Variants in COL15A1 observed in about 807,000 individuals in gnomAD.
COL15A1 encodes the protein collagen type XV alpha 1 chain, also known as collagen alpha-1(XV) chain.
COL15A1 carries 111 observed loss-of-function variants against 165.9 expected under a neutral mutation model. The observed-to-expected ratio is 0.67, with a 90% CI of 0.57 to 0.78. The LOEUF is 0.78. Among genes scored for constraint, COL15A1 ranks in the 30% least tolerant of loss-of-function variants. The pLI is 0.00. For missense variants in COL15A1, 1,745 were observed against 1,789.7 expected, an observed-to-expected ratio of 0.98 and a Z score of 0.45; for synonymous variants, 659 against 674.8, an observed-to-expected ratio of 0.98 and a Z score of 0.36.
chr9:98,971,721 A>C (rs1282524647), intron 2 of COL15A1, among the ~76,000 whole-genome samples: 1 of 152,238 alleles, frequency 6.6e-6, no homozygotes, highest in Non-Finnish European at 1.5e-5. Flanking sequence ...AACTGCTGCC[A>C]GGACTGAGGG....
chr9:98,972,868 A>C (rs1408861047), intron 2 of COL15A1, among the ~76,000 whole-genome samples: 1 of 152,210 alleles, frequency 6.6e-6, no homozygotes, highest in Non-Finnish European at 1.5e-5. Context: ...GAGAGCCACA[A>C]GGAAAGCTTG....
intron 2 of COL15A1, among the ~76,000 whole-genome samples, chr9:98,952,240 T>C (rs375914002): frequency 4.9e-4 from 75 of 152,282 alleles, no homozygotes; most frequent in African/African-American, 1.8e-3. Context: ...TTCCAATTCT[T>C]CCATGGCTTT....
At chr9:99,066,631 A>G (rs1588542243) in intron 39 of COL15A1, among the ~76,000 whole-genome samples, 2 of 101,730 alleles carry the variant, frequency 2.0e-5, no homozygotes, top group Admixed American at 1.0e-4. Context: ...TTTTCACCTA[A>G]GGAAGACATT....
Position 99,047,832 on chromosome 9 carries a change from G to A in COL15A1, c.2726G>A (p.Gly909Glu). ...PGHKGEFGLPGRPGRPGLNGL... is the reference protein window; with the variant it reads ...PGHKGEFGLPERPGRPGLNGL... ...CATAAAGGAGAATTTGGCCTTCCCG[G>A]GCGACCTGTAGGTATCAGTGTTCAT... The change falls in exon 27 of 42, where the codon GGG becomes GAG. Residue 909 changes from glycine to glutamate, a missense_variant. Physicochemically the swap from Gly to Glu is moderately conservative, Grantham distance 98. Coordinates refer to ENST00000375001, the MANE Select transcript of COL15A1 (RefSeq NM_001855.5). 1 of 1,613,980 alleles carries A rather than the reference G, an allele frequency of 6.2e-7. No homozygotes were observed. Among genetic ancestry groups the A allele is most frequent in the Non-Finnish European group, 8.5e-7 (1 of 1,179,954 alleles).
intron 16 of COL15A1, 82 bp downstream of exon 16, chr9:99,026,048 C>T: frequency 1.5e-6 from 2 of 1,341,090 alleles, no homozygotes; most frequent in Non-Finnish European, 2.0e-6. Flanking sequence ...CCTGACCTTG[C>T]CTCTTATGTG....
intron 5 of COL15A1, among the ~76,000 whole-genome samples, chr9:98,996,457 A>G (rs1406558803): frequency 6.6e-6 from 1 of 152,206 alleles, no homozygotes; most frequent in Non-Finnish European, 1.5e-5. Context: ...GGCTTTGGAA[A>G]AGCTATATAG....
At chr9:98,962,773 G>T (rs991567613) in intron 2 of COL15A1, among the ~76,000 whole-genome samples, 1 of 152,316 alleles carries the variant, frequency 6.6e-6, no homozygotes, top group Middle Eastern at 3.4e-3. Context: ...CCTAACACCT[G>T]TGTGTTGAGG....
intron 2 of COL15A1, among the ~76,000 whole-genome samples, chr9:98,967,596 G>A (rs79635267): frequency 0.015 from 2,247 of 152,338 alleles, 143 homozygotes; most frequent in East Asian, 0.12. Context: ...GCCTGGCTGG[G>A]AGGTGGCTTG....
rs145042931 is a variant in COL15A1, at chr9:98,994,662, C to T, written c.805-2272C>T. Among the ~76,000 whole-genome samples the T allele has an allele frequency of 5.1e-4, 77 of 152,238 alleles. No homozygotes were observed. The East Asian group carries it at 7.1e-3, about 14-fold the overall frequency. The stretch of plus-strand genomic sequence containing the variant: ...AGGGCTCAGCCAAGGACCTAGCACA[C>T]GGTAGGGCCTCTGGAAATATGTGCA... On this transcript the variant is annotated intron_variant, in intron 5 of 41. Coordinates refer to ENST00000375001, the MANE Select transcript of COL15A1 (RefSeq NM_001855.5).
intron 9 of COL15A1, among the ~76,000 whole-genome samples, chr9:99,014,093 TG>T (rs1306922511): frequency 1.3e-5 from 2 of 152,178 alleles, no homozygotes; most frequent in Non-Finnish European, 2.9e-5. Context: ...TGGTCAAATC[TG>T]ATGGGAGAAA....
chr9:99,015,306 T>C, intron 9 of COL15A1, 111 bp from the exon 10 acceptor site: 1 of 730,020 alleles, frequency 1.4e-6, no homozygotes, highest in Non-Finnish European at 2.4e-6. Flanking sequence ...AAGGGAATCA[T>C]GGAGCCTCCA....
At chr9:99,032,126 T>A (rs1345989652) in intron 16 of COL15A1, among the ~76,000 whole-genome samples, 2 of 152,158 alleles carry the variant, frequency 1.3e-5, no homozygotes, top group African/African-American at 4.8e-5. Flanking sequence ...TATTGTTCTT[T>A]ATTCTTGGTG....
chr9:98,944,078 AC>A lies in COL15A1; in HGVS notation c.11+9del, dbSNP rs1837533868. ...ACCCGCGAGATGGCACCAAGGTAAG[AC>A]CCGCTTCTCTGCTTCCTCGCGTCCC... is the stretch of plus-strand genomic sequence containing the variant. On this transcript the variant is annotated splice_region_variant and intron_variant, in intron 1 of 41. Transcript: ENST00000375001. 1 of 1,613,902 alleles carries A rather than the reference AC, an allele frequency of 6.2e-7. No individual in the cohort carries two copies. The highest frequency in any genetic ancestry group is 8.5e-7 in the Non-Finnish European group (1 of 1,179,932).
At chr9:98,965,781 G>C (rs1837945799) in intron 2 of COL15A1, among the ~76,000 whole-genome samples, 1 of 152,110 alleles carries the variant, frequency 6.6e-6, no homozygotes, top group Admixed American at 6.5e-5. Flanking sequence ...GCCCCTACAG[G>C]ACTTTCCTGT....
chr9:98,997,106 G>T, intron 6 of COL15A1, 25 bp downstream of exon 6: 1 of 1,613,392 alleles, frequency 6.2e-7, no homozygotes, highest in Non-Finnish European at 8.5e-7. Context: ...ACATGCCTAC[G>T]TAGTGGCCTT....
At chr9:99,035,729 C>A (rs1326120435) in intron 19 of COL15A1, among the ~76,000 whole-genome samples, 4 of 152,180 alleles carry the variant, frequency 2.6e-5, no homozygotes, top group Non-Finnish European at 5.9e-5. Context: ...TTTATTTCCT[C>A]CCTCCAGTTG....
intron 11 of COL15A1, among the ~76,000 whole-genome samples, chr9:99,018,746 G>A (rs948278887): frequency 1.3e-5 from 2 of 152,330 alleles, no homozygotes; most frequent in Middle Eastern, 3.4e-3. Flanking sequence ...ATAATGTTAA[G>A]TGAAAGAAGC....
rs76809733 is a variant in COL15A1, at chr9:98,971,668, C to T, written c.101-13897C>T. 7.2e-5 allele frequency among the ~76,000 whole-genome samples: 11 copies of T among 152,358 alleles called. No individual in the cohort carries two copies. The East Asian group carries it at 2.1e-3, about 29-fold the overall frequency. On this transcript the variant is annotated intron_variant, in intron 2 of 41. Coordinates refer to ENST00000375001, the MANE Select transcript of COL15A1 (RefSeq NM_001855.5). ...CCCACTGCAGCAAGACAGCAGGAAC[C>T]ACTGCTTCTTCCTGAGATTGGATAT...
At chr9:98,990,869 G>T (rs1490285683) in intron 5 of COL15A1, among the ~76,000 whole-genome samples, 1 of 152,234 alleles carries the variant, frequency 6.6e-6, no homozygotes, top group Non-Finnish European at 1.5e-5. Flanking sequence ...GACCCTCGCG[G>T]TGAGTGTTAC....
Sources: allele counts gnomAD v4.1 joint callset (sites outside exome capture counted in the v4.1 genomes callset), GRCh38; gene constraint gnomAD v4.1.1; transcripts MANE v1.5; gene names NCBI Gene and HGNC (gene_info 2026-07-23, HGNC 2026-07-21).